Variants in MYBPC2 observed in about 807,000 individuals in gnomAD.
The protein encoded by MYBPC2 is myosin-binding protein C, fast-type.
Under a neutral mutation model 137.0 loss-of-function variants are expected in MYBPC2, and 122 were observed. The observed-to-expected ratio is 0.89, with a 90% CI of 0.77 to 1.03. The LOEUF (loss-of-function observed/expected upper bound fraction) is 1.03. MYBPC2 is among the 50% of genes least tolerant of loss of function. The pLI is 0.00. For missense variants in MYBPC2, 1,500 were observed against 1,534.4 expected (o/e 0.98, Z 0.37); for synonymous variants, 626 against 612.3 (o/e 1.02, Z -0.33).
intron 8 of MYBPC2, 56 bp from the exon 9 acceptor site, chr19:50,442,125 G>T: frequency 6.5e-7 from 1 of 1,544,284 alleles, no homozygotes; most frequent in Non-Finnish European, 8.8e-7. Context: ...CTCTGGGGAT[G>T]ACCAGGGGAA....
rs2039690446 is a variant in MYBPC2, at chr19:50,435,145, G to C, written c.20-16G>C. The stretch of plus-strand genomic sequence containing the variant: ...GCAGACCGCATGCTCAACTATGACT[G>C]TCCCCTACCTTACAGCGGCCAAAAA... On this transcript the variant is annotated splice_polypyrimidine_tract_variant and intron_variant, in intron 1 of 27. Transcript: ENST00000357701. The surrounding 1 kb of genome is among the most constrained non-coding windows in gnomAD (Gnocchi z 4.8). 1.6e-6 allele frequency: 2 copies of C among 1,228,226 alleles called. No homozygotes were observed. The highest frequency in any genetic ancestry group is 1.5e-5 in the African/African-American group (1 of 67,872). The allele number at this position is 1,228,226 out of a possible 1,614,324, so 76.1% of individuals were successfully genotyped here.
In MYBPC2 at chr19:50,466,127, C is replaced by T; in HGVS notation, c.3416-68C>T. 1 of 1,607,994 alleles carries T rather than the reference C, an allele frequency of 6.2e-7. No individual in the cohort carries two copies. Among genetic ancestry groups the T allele is most frequent in the Non-Finnish European group, 8.5e-7 (1 of 1,177,560 alleles). On this transcript the variant is annotated intron_variant, in intron 27 of 27. Transcript: ENST00000357701. This position sits in a 1 kb window ranked among gnomAD's most constrained non-coding sequence, Gnocchi z 4.9. ...CCCTGCTGGTCATGTGGATGCAGCT[C>T]CTCCTCCTGGGGCTTCAGGAGGAGG... is the stretch of plus-strand genomic sequence containing the variant.
intron 7 of MYBPC2, among the ~76,000 whole-genome samples, chr19:50,438,885 T>A (rs964081734): frequency 6.6e-6 from 1 of 151,886 alleles, no homozygotes; most frequent in South Asian, 2.1e-4. Context: ...CCACAAAAAA[T>A]TAAATATCGG....
At chr19:50,456,687 C>T (rs1601294903) in intron 20 of MYBPC2, among the ~76,000 whole-genome samples, 2 of 152,172 alleles carry the variant, frequency 1.3e-5, no homozygotes, top group East Asian at 1.9e-4. Flanking sequence ...CCACCTGCCT[C>T]GGCCTCCCAA....
chr19:50,452,492 G>GTATCTATCTATC (rs762606865), intron 16 of MYBPC2, among the ~76,000 whole-genome samples: 104 of 123,098 alleles, frequency 8.4e-4, no homozygotes, highest in East Asian at 2.9e-3. Flanking sequence ...ATGTATGTAT[G>GTATCTATCTATC]TATGTATGTA....
At chr19:50,464,218 C>A in intron 26 of MYBPC2, 128 bp from the exon 27 acceptor site, 1 of 799,052 alleles carries the variant, frequency 1.3e-6, no homozygotes, top group Non-Finnish European at 1.9e-6. Flanking sequence ...GGAGAAGTGA[C>A]TCGTCCAAGA....
At chr19:50,451,234 G>A in intron 14 of MYBPC2, 46 bp from the exon 15 acceptor site, 1 of 1,606,808 alleles carries the variant, frequency 6.2e-7, no homozygotes, top group Non-Finnish European at 8.5e-7. Context: ...GGGGTGAGGG[G>A]CCTGCTGAGT....
intron 8 of MYBPC2, 76 bp from the exon 9 acceptor site, chr19:50,442,105 G>A: frequency 6.6e-7 from 1 of 1,507,414 alleles, no homozygotes; most frequent in Non-Finnish European, 8.9e-7. Flanking sequence ...TGGGGAGGGA[G>A]ATGTGGTGCC....
Position 50,458,683 on chromosome 19 carries a change from T to G in MYBPC2, c.2435T>G (p.Val812Gly). The G allele has an allele frequency of 1.2e-6, 2 of 1,612,094 alleles. No individual in the cohort carries two copies. Among genetic ancestry groups the G allele is most frequent in the Non-Finnish European group, 1.7e-6 (2 of 1,179,878 alleles). Residue 812 changes from valine (V) to glycine (G), a missense_variant, in exon 21 of 28, where the codon GTT becomes GGT. Transcript: ENST00000357701. ...PTGARILFRVVGVNIAGRSEP... is the reference protein window; with the variant it reads ...PTGARILFRVGGVNIAGRSEP... ...GGAGCCAGAATCCTCTTCCGAGTAGTTGGGGTCAACATCGCGGGGCGCAGC... is the reference window on the plus strand; with the variant it reads ...GGAGCCAGAATCCTCTTCCGAGTAGGTGGGGTCAACATCGCGGGGCGCAGC...
intron 24 of MYBPC2, among the ~76,000 whole-genome samples, chr19:50,460,585 C>T (rs2039963057): frequency 6.6e-6 from 1 of 152,222 alleles, no homozygotes; most frequent in Non-Finnish European, 1.5e-5. Flanking sequence ...ACATTTCATA[C>T]ACATGGAATC....
At chr19:50,440,235 G>A (rs1468915315) in intron 7 of MYBPC2, among the ~76,000 whole-genome samples, 1 of 151,848 alleles carries the variant, frequency 6.6e-6, no homozygotes, top group African/African-American at 2.4e-5. Context: ...CTGCTTGGGT[G>A]ATGGGTGTAC....
intron 7 of MYBPC2, among the ~76,000 whole-genome samples, chr19:50,438,895 G>A (rs1375270104): frequency 6.6e-6 from 1 of 151,886 alleles, no homozygotes; most frequent in Middle Eastern, 3.2e-3. Context: ...TTAAATATCG[G>A]CAATCTCATA....
intron 13 of MYBPC2, among the ~76,000 whole-genome samples, chr19:50,449,064 T>C (rs1237664989): frequency 6.6e-6 from 1 of 152,008 alleles, no homozygotes; most frequent in Non-Finnish European, 1.5e-5. Flanking sequence ...AGGATGAGGA[T>C]TGGGCTCGGA....
chr19:50,451,128 A>T (rs1301301255), intron 14 of MYBPC2, among the ~76,000 whole-genome samples, 152 bp from the exon 15 acceptor site: 1 of 152,040 alleles, frequency 6.6e-6, no homozygotes, highest in Non-Finnish European at 1.5e-5. Flanking sequence ...GCCGCCCGGG[A>T]GGAGGGGTGG....
chr19:50,456,487 C>A (rs1435612154), intron 20 of MYBPC2, among the ~76,000 whole-genome samples: 1 of 145,756 alleles, frequency 6.9e-6, no homozygotes, highest in Admixed American at 7.1e-5. Flanking sequence ...GGCTAGAGTG[C>A]AGTGGCACGA....
chr19:50,453,744 T>C (rs2039881376), intron 16 of MYBPC2, among the ~76,000 whole-genome samples: 1 of 151,982 alleles, frequency 6.6e-6, no homozygotes, highest in Non-Finnish European at 1.5e-5. Flanking sequence ...TTCACCATGT[T>C]GGCCAGGCTG....
intron 18 of MYBPC2, 102 bp from the exon 19 acceptor site, chr19:50,455,006 G>GCC: frequency 8.9e-7 from 1 of 1,125,572 alleles, no homozygotes; most frequent in Non-Finnish European, 1.2e-6. Context: ...GCCTCGGACC[G>GCC]CCCTGGCCAT....
chr19:50,446,818 C>CAAA (rs746953730), intron 12 of MYBPC2, among the ~76,000 whole-genome samples: 1 of 102,454 alleles, frequency 9.8e-6, no homozygotes, highest in East Asian at 3.2e-4. Context: ...GACTCTGTCT[C>CAAA]AAAAAAAAAA....
chr19:50,440,909 AAAAG>A lies in MYBPC2; in HGVS notation c.608_611del (p.Lys203MetfsTer5). On this transcript the variant is annotated frameshift_variant, in exon 8 of 28. Transcript: ENST00000357701. LOFTEE classifies it high-confidence loss of function. ...GTGGTGGAGGAGGAGAAGAAGAAGA[AAAAG>A]AAAGATGACGATGACCTAGGCATCC... 1 of 1,613,522 alleles carries A rather than the reference AAAAG, an allele frequency of 6.2e-7. No individual in the cohort carries two copies. The highest frequency in any genetic ancestry group is 8.5e-7 in the Non-Finnish European group (1 of 1,179,676).
Sources: allele counts gnomAD v4.1 joint callset (sites outside exome capture counted in the v4.1 genomes callset), GRCh38; gene constraint gnomAD v4.1.1; non-coding constraint Gnocchi (gnomAD v3.1); transcripts MANE v1.5; gene names NCBI Gene and HGNC (gene_info 2026-07-23, HGNC 2026-07-21).